The following KALRN variants were observed in gnomAD, a reference collection of about 807,000 sequenced individuals.
The protein encoded by KALRN is kalirin RhoGEF kinase, also known as kalirin.
In KALRN, 70 loss-of-function variants were observed where a neutral mutation model predicts 353.7. The ratio of observed to expected loss-of-function variants is 0.20; its 90% CI spans 0.16 to 0.24. KALRN has a LOEUF of 0.24. Among genes scored for constraint, KALRN ranks in the 10% least tolerant of loss-of-function variants. KALRN has a pLI of 1.00. For synonymous variants in KALRN, 1,391 were observed against 1,434.8 expected, an observed-to-expected ratio of 0.97 and a Z score of 0.69; for missense variants, 2,791 against 3,756.7, an observed-to-expected ratio of 0.74 and a Z score of 6.72.
intron 1 of KALRN, among the ~76,000 whole-genome samples, chr3:124,192,855 A>G (rs2150326669): frequency 6.6e-6 from 1 of 152,288 alleles, no homozygotes; most frequent in Middle Eastern, 3.4e-3. Context: ...TGTAAAATAA[A>G]TTGCTGTTGT....
intron 33 of KALRN, among the ~76,000 whole-genome samples, chr3:124,541,474 A>T (rs927105181): frequency 6.6e-6 from 1 of 151,996 alleles, no homozygotes; most frequent in African/African-American, 2.4e-5. Context: ...AAAATTAAAA[A>T]AAAAACCCAT....
At chr3:124,592,309 C>CGAAAA (rs1561364753) in intron 34 of KALRN, among the ~76,000 whole-genome samples, 1 of 120,648 alleles carries the variant, frequency 8.3e-6, no homozygotes, top group African/African-American at 3.1e-5. Flanking sequence ...CTCAAAGAAA[C>CGAAAA]AAAAAAAAAA....
chr3:124,453,654 G>A (rs2059018331), intron 21 of KALRN, among the ~76,000 whole-genome samples: 1 of 152,164 alleles, frequency 6.6e-6, no homozygotes, highest in Non-Finnish European at 1.5e-5. Context: ...CAGTCCAAAA[G>A]ATAATTTTTC....
chr3:124,255,192 C>T (rs963287821), intron 3 of KALRN, among the ~76,000 whole-genome samples: 5 of 152,192 alleles, frequency 3.3e-5, no homozygotes, highest in African/African-American at 1.2e-4. Flanking sequence ...GATCTGCCCG[C>T]CTCAGCCTCA....
intron 1 of KALRN, among the ~76,000 whole-genome samples, chr3:124,037,975 T>C (rs1351558410): frequency 2.0e-5 from 3 of 151,998 alleles, no homozygotes; most frequent in Non-Finnish European, 4.4e-5. Flanking sequence ...CAGTTGGAAA[T>C]GTGGGACTCA....
chr3:124,198,430 G>T (rs938895740), intron 1 of KALRN, among the ~76,000 whole-genome samples: 1 of 152,174 alleles, frequency 6.6e-6, no homozygotes, highest in Non-Finnish European at 1.5e-5. Context: ...ACAGCTTGCC[G>T]CACAGTAAGT....
intron 33 of KALRN, among the ~76,000 whole-genome samples, chr3:124,554,077 C>G (rs1355436684): frequency 6.6e-6 from 1 of 152,230 alleles, no homozygotes; most frequent in East Asian, 1.9e-4. Context: ...AGGCACAGGC[C>G]AGGCACCGTG....
At chr3:124,451,522 A>G (rs1252525317) in intron 21 of KALRN, among the ~76,000 whole-genome samples, 1 of 152,202 alleles carries the variant, frequency 6.6e-6, no homozygotes, top group Admixed American at 6.5e-5. Context: ...TTTTCATTCA[A>G]GAACTGCTGC....
intron 10 of KALRN, among the ~76,000 whole-genome samples, chr3:124,350,959 C>T (rs2082770754): frequency 6.6e-6 from 1 of 152,184 alleles, no homozygotes; most frequent in South Asian, 2.1e-4. Context: ...TTCATCACCA[C>T]TCTGGGAGAT....
rs570719984 is a variant in KALRN at position 124,148,691 on chromosome 3, G to A, written c.74-79299G>A. On this transcript the variant is annotated intron_variant, in intron 1 of 59. Transcript: ENST00000682506. ...TTCTATTCCAGGAAATGAAGCATGCGCTGAGTTAATCAGATTACTTTCAGG... is the reference window on the plus strand; with the variant it reads ...TTCTATTCCAGGAAATGAAGCATGCACTGAGTTAATCAGATTACTTTCAGG... 5.3e-5 allele frequency among the ~76,000 whole-genome samples: 8 copies of A among 152,012 alleles called. No individual in the cohort carries two copies. The South Asian group carries it at 8.3e-4, about 16-fold the overall frequency.
chr3:124,148,093 G>A (rs1184361224), intron 1 of KALRN, among the ~76,000 whole-genome samples: 1 of 152,158 alleles, frequency 6.6e-6, no homozygotes, highest in African/African-American at 2.4e-5. Flanking sequence ...CAGATGTATA[G>A]AAGGACTTGA....
intron 1 of KALRN, among the ~76,000 whole-genome samples, chr3:124,047,796 C>T (rs1224681155): frequency 6.6e-6 from 1 of 151,938 alleles, no homozygotes; most frequent in African/African-American, 2.4e-5. Context: ...AGCCACGGCG[C>T]CCGGCCAGAA....
At chr3:124,413,775 C>T in intron 14 of KALRN, 110 bp downstream of exon 14, 1 of 890,580 alleles carries the variant, frequency 1.1e-6, no homozygotes, top group East Asian at 2.7e-5. Flanking sequence ...CCTACAGATA[C>T]AAAGAATAGA....
chr3:124,051,783 G>T (rs1333565146), intron 1 of KALRN, among the ~76,000 whole-genome samples: 1 of 152,230 alleles, frequency 6.6e-6, no homozygotes, highest in Non-Finnish European at 1.5e-5. Flanking sequence ...GAAGGGAGGA[G>T]AAACTAGTTG....
intron 5 of KALRN, among the ~76,000 whole-genome samples, chr3:124,284,876 C>T (rs566254684): frequency 1.6e-4 from 24 of 152,290 alleles, no homozygotes; most frequent in African/African-American, 5.5e-4. Flanking sequence ...AGTGCGAGCC[C>T]ATCTTCAGGC....
At chr3:124,386,632 G>T (rs2088370960) in intron 11 of KALRN, among the ~76,000 whole-genome samples, 1 of 152,198 alleles carries the variant, frequency 6.6e-6, no homozygotes, top group Non-Finnish European at 1.5e-5. Flanking sequence ...AAATTATGCA[G>T]TTGGACTTGG....
chr3:124,462,437 C>T, intron 24 of KALRN, 87 bp from the exon 25 acceptor site: 5 of 734,930 alleles, frequency 6.8e-6, no homozygotes, highest in South Asian at 3.3e-5. Context: ...TGAGTCTTGC[C>T]CCACAAGTTT....
chr3:124,286,095 CTTT>C (rs2075831804), intron 5 of KALRN, among the ~76,000 whole-genome samples: 3 of 140,952 alleles, frequency 2.1e-5, no homozygotes, highest in Admixed American at 7.2e-5. Context: ...TTCTTTCTTT[CTTT>C]CTTTCTTTCT....
chr3:124,528,833 C>T (rs979847136), intron 33 of KALRN, among the ~76,000 whole-genome samples: 4 of 152,170 alleles, frequency 2.6e-5, no homozygotes, highest in African/African-American at 9.7e-5. Flanking sequence ...CAAACAAAAT[C>T]ACATTCTCTA....
Sources: gnomAD v4.1 joint callset for allele counts (sites outside exome capture counted in the v4.1 genomes callset) on GRCh38, gnomAD v4.1.1 for gene constraint, MANE v1.5 for transcripts, NCBI Gene and HGNC (gene_info 2026-07-23, HGNC 2026-07-21) for gene names.